Variants in NAXD observed in about 807,000 individuals in gnomAD.
NAXD encodes the protein NAD(P)HX dehydratase.
A neutral mutation model predicts 35.8 loss-of-function variants in NAXD; 22 were observed. The observed-to-expected ratio is 0.62, with a 90% CI of 0.44 to 0.88. NAXD has a LOEUF of 0.88. NAXD is among the 40% of genes least tolerant of loss of function. The probability of loss-of-function intolerance (pLI) is 0.00; values close to 1 mark genes in which losing one functional copy is unlikely to be tolerated. For synonymous variants in NAXD, 189 were observed against 177.6 expected, an observed-to-expected ratio of 1.06 and a Z score of -0.51; for missense variants, 428 against 437.7, an observed-to-expected ratio of 0.98 and a Z score of 0.20.
chr13:110,637,368 C>T, intron 9 of NAXD, 119 bp downstream of exon 9: 1 of 1,212,758 alleles, frequency 8.2e-7, no homozygotes, highest in African/African-American at 1.5e-5. Context: ...CTAGGCTTCA[C>T]TGGAGAGATC....
rs373083134 is a variant in NAXD at position 110,626,008 on chromosome 13, C to T, written c.332+730C>T. ...GTGATGACGCCTGGGTCGAGCCCGG[C>T]CTCTCCACACCAGAGAGGAGCCGGC... is the stretch of plus-strand genomic sequence containing the variant. On this transcript the variant is annotated intron_variant, in intron 4 of 9. Coordinates refer to ENST00000680254, the MANE Select transcript of NAXD (RefSeq NM_001242882.2). Among the ~76,000 whole-genome samples the T allele has an allele frequency of 6.8e-4, 103 of 152,242 alleles. 2 individuals carry two copies. The highest frequency in any genetic ancestry group is 2.0e-3 in the African/African-American group (84 of 41,554).
intron 1 of NAXD, chr13:110,616,042 G>A (rs1023745422): frequency 7.5e-5 from 28 of 374,354 alleles, no homozygotes; most frequent in African/African-American, 4.0e-4. Context: ...GGGAACGGGG[G>A]GCCGAGGGCC....
At position 110,637,144 on chromosome 13, in the gene NAXD, A is replaced by G; in HGVS notation, c.734A>G (p.Gln245Arg). ...SNGQQVLVCSQEGSSRRCGGQ... is the reference protein window; with the variant it reads ...SNGQQVLVCSREGSSRRCGGQ... ...CCCTGTGCAGTGCTTGTGTGCAGCCAGGAAGGCAGCAGCCGCAGGTGTGGA... is the reference window on the plus strand; with the variant it reads ...CCCTGTGCAGTGCTTGTGTGCAGCCGGGAAGGCAGCAGCCGCAGGTGTGGA... Residue 245 changes from glutamine to arginine, a missense_variant, in exon 9 of 10, where the codon CAG (glutamine) becomes CGG (arginine). Transcript: ENST00000680254. The G allele has an allele frequency of 1.9e-6, 3 of 1,613,572 alleles. No homozygotes were observed. The highest frequency in any genetic ancestry group is 2.5e-6 in the Non-Finnish European group (3 of 1,179,840).
chr13:110,638,380 C>G lies in NAXD; in HGVS notation c.842C>G (p.Ser281Cys). Residue 281 changes from serine to cysteine, a missense_variant and splice_region_variant, in exon 10 of 10, where the codon TCC becomes TGC. Coordinates refer to ENST00000680254, the MANE Select transcript of NAXD (RefSeq NM_001242882.2). The surrounding 1 kb of genome is among the most constrained non-coding windows in gnomAD (Gnocchi z 5.4). ...TCCTGCTGTCCCCCTCTCCGCAGGTCCAGCCCTCTCCTGGTGGCCGCGTTT... is the reference window on the plus strand; with the variant it reads ...TCCTGCTGTCCCCCTCTCCGCAGGTGCAGCCCTCTCCTGGTGGCCGCGTTT... ...LLAGPQKTNG[S>C]SPLLVAAFGA... 1 of 1,613,862 alleles carries G rather than the reference C, an allele frequency of 6.2e-7. No homozygotes were observed. The highest frequency in any genetic ancestry group is 1.3e-5 in the African/African-American group (1 of 75,052).
chr13:110,634,755 C>T lies in NAXD; in HGVS notation c.576C>T (p.Phe192=), dbSNP rs140819285. 4.4e-5 allele frequency: 71 copies of T among 1,613,830 alleles called. No individual in the cohort carries two copies. In the East Asian group the frequency reaches 9.6e-4, roughly 22 times the overall value. Residue 192 remains phenylalanine, a synonymous_variant, in exon 7 of 10, where the codon TTC becomes TTT. Coordinates refer to ENST00000680254, the MANE Select transcript of NAXD (RefSeq NM_001242882.2). Reference sequence around the variant, plus strand: ...TGCTCACTCCCAACCACGTGGAGTTCAGCAGACTGTATGACGCTGTGGTGA... The same window carrying T: ...TGCTCACTCCCAACCACGTGGAGTTTAGCAGACTGTATGACGCTGTGGTGA... ...KAVLTPNHVE[F]SRLYDAVLRG... is the part of the protein sequence containing the mutation.
intron 5 of NAXD, among the ~76,000 whole-genome samples, chr13:110,632,765 T>G (rs1447121554): frequency 4.6e-5 from 7 of 150,738 alleles, no homozygotes; most frequent in Non-Finnish European, 7.4e-5. Context: ...GACATAAAGG[T>G]TCTCCAAGGC....
At chr13:110,622,809 T>A (rs1886318595) in intron 2 of NAXD, among the ~76,000 whole-genome samples, 1 of 152,220 alleles carries the variant, frequency 6.6e-6, no homozygotes, top group Non-Finnish European at 1.5e-5. Flanking sequence ...GGTACGTAGC[T>A]GTTTGTAAGT....
chr13:110,635,489 G>C lies in NAXD; in HGVS notation c.619G>C (p.Asp207His). ...ATAGCTCAGAGGCCCTATGGACAGCGATGACAGCCATGGATCTGTGCTAAG... is the reference window on the plus strand; with the variant it reads ...ATAGCTCAGAGGCCCTATGGACAGCCATGACAGCCATGGATCTGTGCTAAG... ...DAVLRGPMDS[D>H]DSHGSVLRLS... The change falls in exon 8 of 10, where the codon GAT becomes CAT. Residue 207 changes from aspartate (D) to histidine (H), a missense_variant. Asp to His is a moderately conservative substitution (Grantham distance 81). This residue lies in a region of NAXD where 209 missense variants were observed against 214.6 expected (regional missense o/e 0.97). Transcript: ENST00000680254. 1.9e-6 allele frequency: 3 copies of C among 1,614,106 alleles called. No homozygotes were observed. Among genetic ancestry groups the C allele is most frequent in the Non-Finnish European group, 2.5e-6 (3 of 1,179,976 alleles).
chr13:110,638,605 C>A lies in NAXD; in HGVS notation c.*77C>A. The A allele has an allele frequency of 6.5e-7, 1 of 1,541,194 alleles. No homozygotes were observed. The highest frequency in any genetic ancestry group is 8.9e-7 in the Non-Finnish European group (1 of 1,121,012). ...TGTGATGGGAAAATCCGGACCCACG[C>A]GTGTGCTGAAGGCGTACGGTGCTTG... On this transcript the variant is annotated 3_prime_UTR_variant, in exon 10 of 10. Transcript: ENST00000680254. The surrounding 1 kb of genome is among the most constrained non-coding windows in gnomAD (Gnocchi z 5.4).
intron 5 of NAXD, among the ~76,000 whole-genome samples, chr13:110,632,305 A>C (rs551821472): frequency 6.6e-6 from 1 of 152,252 alleles, no homozygotes; most frequent in East Asian, 1.9e-4. Context: ...CTTCGCGGTG[A>C]CTGTTACAGC....
intron 1 of NAXD, among the ~76,000 whole-genome samples, chr13:110,618,810 A>G (rs1344883187): frequency 6.6e-6 from 1 of 152,266 alleles, no homozygotes; most frequent in Non-Finnish European, 1.5e-5. Flanking sequence ...TGCCTGGACT[A>G]GCATATCTCC....
intron 5 of NAXD, among the ~76,000 whole-genome samples, 199 bp from the exon 6 acceptor site, chr13:110,634,346 A>G (rs1161498734): frequency 6.6e-6 from 1 of 152,200 alleles, no homozygotes; most frequent in Non-Finnish European, 1.5e-5. Context: ...GCGAGGGCAG[A>G]AGGGCAGGAG....
chr13:110,622,911 G>T (rs1025648422), intron 2 of NAXD, among the ~76,000 whole-genome samples: 8 of 152,078 alleles, frequency 5.3e-5, no homozygotes, highest in African/African-American at 1.9e-4. Context: ...CATGGATGTG[G>T]TATCTCTCTT....
chr13:110,630,522 A>G (rs9583517), intron 5 of NAXD, among the ~76,000 whole-genome samples: 5,985 of 152,274 alleles, frequency 0.039, 415 homozygotes, highest in African/African-American at 0.14. Flanking sequence ...TTTTGTTTAC[A>G]GCACAGTTTT....
chr13:110,625,317 C>A, intron 4 of NAXD, 39 bp downstream of exon 4: 1 of 1,391,552 alleles, frequency 7.2e-7, no homozygotes, highest in Non-Finnish European at 1.0e-6. Flanking sequence ...GGTTCTCTTT[C>A]CCTCCTGCAT....
intron 8 of NAXD, 46 bp from the exon 9 acceptor site, chr13:110,637,083 C>G (rs1363981382): frequency 6.4e-7 from 1 of 1,570,338 alleles, no homozygotes; most frequent in African/African-American, 1.4e-5. Flanking sequence ...GTCACATTCA[C>G]ACACATGGCC....
chr13:110,625,096 A>C, intron 3 of NAXD, 94 bp from the exon 4 acceptor site: 1 of 903,650 alleles, frequency 1.1e-6, no homozygotes, highest in Non-Finnish European at 1.8e-6. Context: ...GCACGTCACC[A>C]GGGCTGAGTA....
At chr13:110,636,522 G>A (rs966608974) in intron 8 of NAXD, among the ~76,000 whole-genome samples, 4 of 152,360 alleles carry the variant, frequency 2.6e-5, no homozygotes, top group South Asian at 4.1e-4. Context: ...CAGAGCAGAT[G>A]TTCTCAGAGG....
At chr13:110,615,705 G>T in intron 1 of NAXD, 58 bp downstream of exon 1, 1 of 1,519,800 alleles carries the variant, frequency 6.6e-7, no homozygotes. Flanking sequence ...CGGAACTGCC[G>T]TCGCCGGCGC....
Sources: allele counts gnomAD v4.1 joint callset (sites outside exome capture counted in the v4.1 genomes callset), GRCh38; gene constraint gnomAD v4.1.1; regional missense constraint gnomAD v4.1.1; non-coding constraint Gnocchi (gnomAD v3.1); transcripts MANE v1.5; gene names NCBI Gene and HGNC (gene_info 2026-07-23, HGNC 2026-07-21).